The following CDH13 variants were observed in gnomAD, a reference collection of about 807,000 sequenced individuals.
The protein encoded by CDH13 is cadherin-13.
In CDH13, 24 loss-of-function variants were observed where a neutral mutation model predicts 63.8. The ratio of observed to expected loss-of-function variants is 0.38; its 90% CI spans 0.27 to 0.53. The LOEUF is 0.53. Among genes scored for constraint, CDH13 ranks in the 20% least tolerant of loss-of-function variants. The probability of loss-of-function intolerance (pLI) is 0.85; values close to 1 mark genes in which losing one functional copy is unlikely to be tolerated. For synonymous variants in CDH13, 503 were observed against 355.3 expected (o/e 1.42, Z -4.67); for missense variants, 1,049 against 903.1 (o/e 1.16, Z -2.07).
At chr16:83,154,850 A>T (rs1163944915) in intron 4 of CDH13, among the ~76,000 whole-genome samples, 1 of 152,196 alleles carries the variant, frequency 6.6e-6, no homozygotes, top group Non-Finnish European at 1.5e-5. Flanking sequence ...ATGTTATTTC[A>T]ACCGGTTTTT....
intron 10 of CDH13, among the ~76,000 whole-genome samples, chr16:83,740,332 G>A (rs538541083): frequency 1.1e-4 from 17 of 152,008 alleles, no homozygotes; most frequent in African/African-American, 3.6e-4. Flanking sequence ...GCTCTTTGGA[G>A]AATGGACTGT....
chr16:82,719,999 T>C (rs2032660917), intron 1 of CDH13, among the ~76,000 whole-genome samples: 1 of 152,192 alleles, frequency 6.6e-6, no homozygotes. Flanking sequence ...GTTAAATTCT[T>C]ACGGCACGTT....
chr16:82,736,829 G>C (rs2033698004), intron 1 of CDH13, among the ~76,000 whole-genome samples: 1 of 152,134 alleles, frequency 6.6e-6, no homozygotes, highest in Non-Finnish European at 1.5e-5. Flanking sequence ...GACTCTTGAT[G>C]GGGTTCCCAC....
At chr16:82,680,951 A>C (rs771746518) in intron 1 of CDH13, among the ~76,000 whole-genome samples, 29 of 152,234 alleles carry the variant, frequency 1.9e-4, no homozygotes, top group African/African-American at 6.8e-4. Flanking sequence ...GTGGAAAGCC[A>C]GAGAAGAAAG....
intron 2 of CDH13, among the ~76,000 whole-genome samples, chr16:82,910,547 A>G (rs1447685596): frequency 6.6e-6 from 1 of 152,076 alleles, no homozygotes; most frequent in Admixed American, 6.5e-5. Context: ...TCCCTTGCCC[A>G]AGCCTCTGGT....
rs78245136 is a variant in CDH13, at chr16:83,776,615, C to T, written c.1682-3353C>T. 3.3e-3 allele frequency among the ~76,000 whole-genome samples: 500 copies of T among 152,330 alleles called. 1 individual carries two copies. The highest frequency in any genetic ancestry group is 0.012 in the African/African-American group (486 of 41,558). ...TCGGCTCGCACTTCTTCATGACTCA[C>T]TGCTCAGCTTCCTTTAAGCTGGTTT... On this transcript the variant is annotated intron_variant, in intron 11 of 13. Coordinates refer to ENST00000567109, the MANE Select transcript of CDH13 (RefSeq NM_001257.5).
chr16:82,852,344 A>T (rs759495573), intron 1 of CDH13, among the ~76,000 whole-genome samples: 2 of 152,170 alleles, frequency 1.3e-5, no homozygotes, highest in African/African-American at 2.4e-5. Context: ...CGTTCCGTGG[A>T]TGTGTCTTGT....
At chr16:83,200,096 C>A (rs750037539) in intron 4 of CDH13, among the ~76,000 whole-genome samples, 3 of 152,108 alleles carry the variant, frequency 2.0e-5, no homozygotes, top group Non-Finnish European at 2.9e-5. Context: ...GGTGCTGATA[C>A]GCTTGTTCAG....
rs186819164 is a variant in CDH13 at position 83,290,035 on chromosome 16, A to T, written c.637-54827A>T. On this transcript the variant is annotated intron_variant, in intron 5 of 13. Transcript: ENST00000567109. Reference sequence around the variant, plus strand: ...TCTGACACTTAACTGTACAGATTAGATTGGCCTGTTTGGGGACTTTCTACT... The same window carrying T: ...TCTGACACTTAACTGTACAGATTAGTTTGGCCTGTTTGGGGACTTTCTACT... Among the ~76,000 whole-genome samples, 3 of 152,156 alleles carry T rather than the reference A, an allele frequency of 2.0e-5. No homozygotes were observed. The East Asian group carries it at 5.8e-4, about 30-fold the overall frequency.
intron 1 of CDH13, among the ~76,000 whole-genome samples, chr16:82,629,440 A>G (rs1907741680): frequency 6.6e-6 from 1 of 152,234 alleles, no homozygotes; most frequent in Non-Finnish European, 1.5e-5. Context: ...ACCAGCAAGA[A>G]GTTCACGTGC....
intron 1 of CDH13, among the ~76,000 whole-genome samples, chr16:82,658,411 A>C (rs988937657): frequency 6.6e-6 from 1 of 152,216 alleles, no homozygotes; most frequent in African/African-American, 2.4e-5. Flanking sequence ...TAAATGTTCA[A>C]CAAGCCTTGC....
chr16:82,746,917 G>C (rs562307549), intron 1 of CDH13, among the ~76,000 whole-genome samples: 1 of 152,126 alleles, frequency 6.6e-6, no homozygotes, highest in Non-Finnish European at 1.5e-5. Flanking sequence ...GTTGTGATTA[G>C]AGCAGCCCTG....
intron 4 of CDH13, among the ~76,000 whole-genome samples, chr16:83,156,599 T>A (rs1334144309): frequency 6.6e-6 from 1 of 152,154 alleles, no homozygotes; most frequent in Admixed American, 6.5e-5. Context: ...AGCCTCCAGA[T>A]AAAAGGCACC....
At chr16:82,694,998 G>T (rs1567635889) in intron 1 of CDH13, among the ~76,000 whole-genome samples, 1 of 152,188 alleles carries the variant, frequency 6.6e-6, no homozygotes. Context: ...GTGCATGTGT[G>T]TGGGGAGGGT....
At chr16:83,483,953 C>G (rs1210861722) in intron 6 of CDH13, among the ~76,000 whole-genome samples, 1 of 152,128 alleles carries the variant, frequency 6.6e-6, no homozygotes, top group Non-Finnish European at 1.5e-5. Flanking sequence ...CTGCATGGGC[C>G]AAGAATGTTC....
At chr16:82,838,305 G>A (rs2038857871) in intron 1 of CDH13, among the ~76,000 whole-genome samples, 1 of 152,156 alleles carries the variant, frequency 6.6e-6, no homozygotes, top group Admixed American at 6.5e-5. Context: ...TTTTCTGGCA[G>A]AAGAACATGC....
At chr16:83,194,161 T>C (rs2038806865) in intron 4 of CDH13, among the ~76,000 whole-genome samples, 1 of 152,228 alleles carries the variant, frequency 6.6e-6, no homozygotes, top group African/African-American at 2.4e-5. Flanking sequence ...TAGTGTGACC[T>C]ACAGATAGCC....
At chr16:83,784,796 C>A (rs1051629886) in intron 13 of CDH13, among the ~76,000 whole-genome samples, 11 of 152,142 alleles carry the variant, frequency 7.2e-5, no homozygotes, top group Admixed American at 5.9e-4. Context: ...CCATCATCTC[C>A]ATGTCTCCTT....
At chr16:83,058,065 C>G (rs28714398) in intron 3 of CDH13, among the ~76,000 whole-genome samples, 3,964 of 152,280 alleles carry the variant, frequency 0.026, 178 homozygotes, top group African/African-American at 0.089. Context: ...ACTTCTAAAA[C>G]TATGAAATCT....
Sources: gnomAD v4.1 joint callset for allele counts (sites outside exome capture counted in the v4.1 genomes callset) on GRCh38, gnomAD v4.1.1 for gene constraint, MANE v1.5 for transcripts, NCBI Gene and HGNC (gene_info 2026-07-23, HGNC 2026-07-21) for gene names.